TRPM3: variants seen among roughly 807,000 people sequenced by gnomAD.
TRPM3 encodes transient receptor potential cation channel subfamily M member 3.
A neutral mutation model predicts 181.2 loss-of-function variants in TRPM3; 77 were observed. That is an observed-to-expected ratio of 0.42 (90% CI 0.35 to 0.51). The LOEUF is 0.51. TRPM3 is among the 20% of genes least tolerant of loss of function. The probability of loss-of-function intolerance (pLI) is 0.01; values close to 1 mark genes in which losing one functional copy is unlikely to be tolerated. For missense variants in TRPM3, 1,759 were observed against 2,196.7 expected (o/e 0.80, Z 3.98); for synonymous variants, 745 against 796.4 (o/e 0.94, Z 1.09).
At chr9:70,595,587 T>C (rs149659954) in intron 21 of TRPM3, among the ~76,000 whole-genome samples, 2 of 152,334 alleles carry the variant, frequency 1.3e-5, no homozygotes, top group South Asian at 2.1e-4. Flanking sequence ...TTTGCTTTCA[T>C]TGGGTCCACT....
chr9:70,674,090 A>G (rs186809281), intron 9 of TRPM3, among the ~76,000 whole-genome samples: 1 of 152,294 alleles, frequency 6.6e-6, no homozygotes, highest in Admixed American at 6.5e-5. Flanking sequence ...GAAAGCAATC[A>G]TCCATGTGGT....
chr9:71,019,672 T>A (rs2097825404), intron 1 of TRPM3, among the ~76,000 whole-genome samples: 1 of 152,082 alleles, frequency 6.6e-6, no homozygotes, highest in East Asian at 1.9e-4. Context: ...ACCTATAGAT[T>A]CAATGCAATC....
At chr9:70,655,305 C>CAAAAAAAAAAAAAAA (rs1169901529) in intron 9 of TRPM3, among the ~76,000 whole-genome samples, 98 of 33,160 alleles carry the variant, frequency 3.0e-3, no homozygotes, top group Middle Eastern at 0.029. Context: ...GACTCCGTCT[C>CAAAAAAAAAAAAAAA]AAAAAAAAAA....
chr9:71,251,465 GTTTAT>G (rs1033823436), intron 1 of TRPM3, among the ~76,000 whole-genome samples: 5 of 151,948 alleles, frequency 3.3e-5, no homozygotes, highest in Non-Finnish European at 7.4e-5. Flanking sequence ...TATCATAAAT[GTTTAT>G]TTAACTAAAT....
At chr9:71,404,026 G>T (rs534684793) in intron 1 of TRPM3, among the ~76,000 whole-genome samples, 1 of 152,126 alleles carries the variant, frequency 6.6e-6, no homozygotes, top group African/African-American at 2.4e-5. Context: ...CAGGGTTTTT[G>T]AATTAGAAAT....
chr9:70,974,205 A>C (rs1270397268), intron 1 of TRPM3, among the ~76,000 whole-genome samples: 1 of 152,132 alleles, frequency 6.6e-6, no homozygotes, highest in Non-Finnish European at 1.5e-5. Context: ...GATATAAATG[A>C]GAAAGGTATT....
At chr9:71,197,729 T>C (rs1268089915) in intron 1 of TRPM3, among the ~76,000 whole-genome samples, 3 of 150,944 alleles carry the variant, frequency 2.0e-5, no homozygotes, top group South Asian at 2.1e-4. Flanking sequence ...TTTGTTTTTT[T>C]CTTGTAAATT....
intron 22 of TRPM3, among the ~76,000 whole-genome samples, chr9:70,574,038 G>A (rs896313391): frequency 6.9e-6 from 1 of 144,564 alleles, no homozygotes; most frequent in Non-Finnish European, 1.5e-5. Flanking sequence ...TGCTTGGATT[G>A]ATTTAGAAAT....
Position 71,313,986 on chromosome 9 carries a change from G to T in TRPM3, c.183+132667C>A, listed in dbSNP as rs115017955. ...AAGATCATATTCCTATCTTGTTTTA[G>T]AATATTATTGTAAAATTCTTTTCCA... is the stretch of plus-strand genomic sequence containing the variant. On this transcript the variant is annotated intron_variant, in intron 1 of 24. Coordinates refer to the TRPM3 transcript ENST00000357533. Among the ~76,000 whole-genome samples the T allele has an allele frequency of 3.4e-3, 515 of 152,084 alleles. 5 individuals are homozygous for T. Among genetic ancestry groups the T allele is most frequent in the African/African-American group, 0.012 (489 of 41,494 alleles).
intron 8 of TRPM3, among the ~76,000 whole-genome samples, chr9:70,699,435 T>C (rs1413003501): frequency 6.6e-6 from 1 of 152,030 alleles, no homozygotes; most frequent in Non-Finnish European, 1.5e-5. Flanking sequence ...AGTGTGCAAA[T>C]AGTCAATTTG....
At position 71,446,411 on chromosome 9, in the gene TRPM3, C is replaced by T. The variant is rs997656556; in HGVS notation, c.183+242G>A. Reference sequence around the variant, plus strand: ...ACAGCGAGCCCCCTCGCCTCTCGAACATGTTTTCAATTTTTGCAGAGCCGC... The same window carrying T: ...ACAGCGAGCCCCCTCGCCTCTCGAATATGTTTTCAATTTTTGCAGAGCCGC... On this transcript the variant is annotated intron_variant, in intron 1 of 24. Coordinates refer to the TRPM3 transcript ENST00000357533. Among the ~76,000 whole-genome samples, 14 of 152,266 alleles carry T rather than the reference C, an allele frequency of 9.2e-5. No individual in the cohort carries two copies. The East Asian group carries it at 2.5e-3, about 27-fold the overall frequency.
chr9:71,419,488 A>G (rs916223286), intron 1 of TRPM3, among the ~76,000 whole-genome samples: 1 of 152,022 alleles, frequency 6.6e-6, no homozygotes, highest in Non-Finnish European at 1.5e-5. Flanking sequence ...AAAGAAATTG[A>G]AAAATCAGTC....
intron 1 of TRPM3, among the ~76,000 whole-genome samples, chr9:70,881,833 T>C (rs2095999593): frequency 6.6e-6 from 1 of 152,206 alleles, no homozygotes; most frequent in Non-Finnish European, 1.5e-5. Context: ...TTTTCTGTTG[T>C]TTCCTGAAAT....
intron 1 of TRPM3, among the ~76,000 whole-genome samples, chr9:71,109,774 G>A (rs1249709276): frequency 6.6e-6 from 1 of 151,994 alleles, no homozygotes; most frequent in African/African-American, 2.4e-5. Flanking sequence ...GAAGGAGTTT[G>A]GAATTAGAAA....
At chr9:71,421,744 G>A (rs1249061412) in intron 1 of TRPM3, among the ~76,000 whole-genome samples, 1 of 152,010 alleles carries the variant, frequency 6.6e-6, no homozygotes, top group Non-Finnish European at 1.5e-5. Flanking sequence ...TGTACATCAT[G>A]GGACTGTGCC....
chr9:71,429,885 CG>C (rs1188775506), intron 1 of TRPM3, among the ~76,000 whole-genome samples: 2 of 152,116 alleles, frequency 1.3e-5, no homozygotes, highest in African/African-American at 4.8e-5. Flanking sequence ...GCCCCTGCCT[CG>C]GGACACTTGT....
chr9:70,831,989 A>ATT (rs1564497684), intron 5 of TRPM3, among the ~76,000 whole-genome samples: 36 of 115,678 alleles, frequency 3.1e-4, no homozygotes, highest in African/African-American at 6.7e-4. Flanking sequence ...ATATATATAT[A>ATT]TATATATACC....
intron 1 of TRPM3, among the ~76,000 whole-genome samples, chr9:71,272,527 T>A (rs1244676060): frequency 6.6e-6 from 1 of 152,124 alleles, no homozygotes; most frequent in East Asian, 1.9e-4. Context: ...CTTAAGGAGC[T>A]TGGGAGATAC....
At chr9:70,655,922 A>G (rs995746646) in intron 9 of TRPM3, among the ~76,000 whole-genome samples, 4 of 152,188 alleles carry the variant, frequency 2.6e-5, no homozygotes, top group Non-Finnish European at 5.9e-5. Flanking sequence ...TAATACCTCT[A>G]TGTATTTATA....
Sources: gnomAD v4.1 joint callset for allele counts (sites outside exome capture counted in the v4.1 genomes callset) on GRCh38, gnomAD v4.1.1 for gene constraint, MANE v1.5 for transcripts, NCBI Gene and HGNC (gene_info 2026-07-23, HGNC 2026-07-21) for gene names.